Variants in INPP4B observed in about 807,000 individuals in gnomAD.
INPP4B encodes inositol polyphosphate-4-phosphatase type II B, also known as inositol polyphosphate 4-phosphatase type II.
In INPP4B, 55 loss-of-function variants were observed where a neutral mutation model predicts 122.5. The ratio of observed to expected loss-of-function variants is 0.45; its 90% confidence interval spans 0.36 to 0.56. The LOEUF is 0.56. INPP4B is among the 20% of genes least tolerant of loss of function. The probability of loss-of-function intolerance (pLI) is 0.00; values close to 1 mark genes in which losing one functional copy is unlikely to be tolerated. For missense variants in INPP4B, 1,000 were observed against 1,097.7 expected (o/e 0.91, Z 1.26); for synonymous variants, 403 against 388.7 (o/e 1.04, Z -0.43).
In INPP4B at chr4:142,177,355, T is replaced by C. The variant is rs575670632; in HGVS notation, c.1182-3546A>G. On this transcript the variant is annotated intron_variant, in intron 15 of 25. Transcript: ENST00000262992. Reference sequence around the variant, plus strand: ...TACTTTTCAAACATGTCATATATTTTAACAGTTATAGCTTCTTAAATGGGA... The same window carrying C: ...TACTTTTCAAACATGTCATATATTTCAACAGTTATAGCTTCTTAAATGGGA... 2.0e-5 allele frequency among the ~76,000 whole-genome samples: 3 copies of C among 152,342 alleles called. No homozygotes were observed. The East Asian group carries it at 5.8e-4, about 29-fold the overall frequency.
chr4:142,387,479 T>TA (rs199580064), intron 7 of INPP4B, among the ~76,000 whole-genome samples: 272 of 123,692 alleles, frequency 2.2e-3, no homozygotes, highest in Admixed American at 4.5e-3. Context: ...GAAGTGCATT[T>TA]AAAAAAAAAA....
At chr4:142,595,467 A>T (rs557116502) in intron 2 of INPP4B, among the ~76,000 whole-genome samples, 1 of 152,348 alleles carries the variant, frequency 6.6e-6, no homozygotes, top group South Asian at 2.1e-4. Flanking sequence ...AGTCAAAATT[A>T]TTTTTATCAT....
intron 7 of INPP4B, among the ~76,000 whole-genome samples, chr4:142,322,074 G>A (rs113595119): frequency 0.016 from 2,401 of 152,190 alleles, 63 homozygotes; most frequent in African/African-American, 0.053. Context: ...GGTATATTTC[G>A]TTGATACGCA....
chr4:142,051,542 T>A (rs1754608976), intron 25 of INPP4B, among the ~76,000 whole-genome samples: 1 of 152,034 alleles, frequency 6.6e-6, no homozygotes, highest in African/African-American at 2.4e-5. Flanking sequence ...TTTTATTCAC[T>A]TTACTGTAAA....
At chr4:142,536,575 G>T (rs1033664353) in intron 2 of INPP4B, among the ~76,000 whole-genome samples, 2 of 152,084 alleles carry the variant, frequency 1.3e-5, no homozygotes, top group African/African-American at 4.8e-5. Context: ...ACGTAGAGTG[G>T]TGTGCCCTGG....
chr4:142,311,058 A>T (rs1765333512), intron 8 of INPP4B, among the ~76,000 whole-genome samples: 1 of 152,148 alleles, frequency 6.6e-6, no homozygotes, highest in South Asian at 2.1e-4. Context: ...CTTTAAAAAA[A>T]ATTAGAGTAC....
At chr4:142,291,337 G>A (rs928265329) in intron 9 of INPP4B, among the ~76,000 whole-genome samples, 18 of 152,112 alleles carry the variant, frequency 1.2e-4, no homozygotes, top group Non-Finnish European at 2.6e-4. Flanking sequence ...AAGAAAGATC[G>A]ACTTTCTGAA....
At chr4:142,047,668 G>A (rs1315210643) in intron 25 of INPP4B, among the ~76,000 whole-genome samples, 1 of 152,032 alleles carries the variant, frequency 6.6e-6, no homozygotes, top group African/African-American at 2.4e-5. Flanking sequence ...TCCCCCATCT[G>A]TAACAGAGAG....
upstream of INPP4B, chr4:142,846,383 G>T (rs1268975692): frequency 2.0e-5 from 3 of 152,410 alleles, no homozygotes; most frequent in Non-Finnish European, 4.4e-5. This position sits in a 1 kb window ranked among gnomAD's most constrained non-coding sequence, Gnocchi z 5.1. Context: ...ACTAGCAGGC[G>T]GCGGCGACGG....
At chr4:142,482,132 C>T (rs1417318221) in intron 2 of INPP4B, among the ~76,000 whole-genome samples, 1 of 152,100 alleles carries the variant, frequency 6.6e-6, no homozygotes, top group Non-Finnish European at 1.5e-5. Context: ...GAGAACATGG[C>T]TGGGGGTGGG....
chr4:142,540,756 TGA>T (rs200956824), intron 2 of INPP4B, among the ~76,000 whole-genome samples: 204 of 152,062 alleles, frequency 1.3e-3, no homozygotes, highest in African/African-American at 4.8e-3. Flanking sequence ...TATGTGTGTG[TGA>T]GAGAGAGAGA....
intron 9 of INPP4B, among the ~76,000 whole-genome samples, chr4:142,286,118 A>G (rs1262065925): frequency 6.6e-6 from 1 of 152,206 alleles, no homozygotes; most frequent in Non-Finnish European, 1.5e-5. Flanking sequence ...CAAAATACTC[A>G]GCTACGTGGA....
chr4:142,356,080 A>G (rs1251748005), intron 7 of INPP4B, among the ~76,000 whole-genome samples: 1 of 151,598 alleles, frequency 6.6e-6, no homozygotes, highest in Non-Finnish European at 1.5e-5. Context: ...GGATGACACA[A>G]TTGGTTTACA....
intron 18 of INPP4B, among the ~76,000 whole-genome samples, chr4:142,138,492 T>A (rs978498439): frequency 2.0e-4 from 30 of 151,898 alleles, no homozygotes; most frequent in Non-Finnish European, 3.7e-4. Context: ...CATATGTAAC[T>A]AACCTCCACG....
chr4:142,751,607 T>C (rs1769728634), intron 1 of INPP4B, among the ~76,000 whole-genome samples: 1 of 152,086 alleles, frequency 6.6e-6, no homozygotes, highest in Non-Finnish European at 1.5e-5. Flanking sequence ...CACATGATTC[T>C]GTGATTCTAT....
chr4:142,797,303 G>A (rs1455095020), intron 1 of INPP4B, among the ~76,000 whole-genome samples: 5 of 151,996 alleles, frequency 3.3e-5, no homozygotes, highest in East Asian at 1.9e-4. Flanking sequence ...TTAGACTTAC[G>A]TTCTACTGCC....
intron 7 of INPP4B, among the ~76,000 whole-genome samples, chr4:142,396,206 A>G (rs1340991318): frequency 6.6e-6 from 1 of 152,176 alleles, no homozygotes; most frequent in Admixed American, 6.5e-5. Flanking sequence ...ACCCTCTAAC[A>G]CTTATATACA....
intron 15 of INPP4B, 49 bp downstream of exon 15, chr4:142,193,037 AG>A (rs1836679470): frequency 9.1e-7 from 1 of 1,094,342 alleles, no homozygotes; most frequent in Non-Finnish European, 1.4e-6. Flanking sequence ...ACTTCCCCAA[AG>A]GGGAGATGTT....
intron 12 of INPP4B, among the ~76,000 whole-genome samples, chr4:142,232,721 T>C (rs573449614): frequency 6.6e-6 from 1 of 152,228 alleles, no homozygotes; most frequent in South Asian, 2.1e-4. Context: ...GGCTGAAAGT[T>C]AGGCCTCTTG....
Sources: allele counts gnomAD v4.1 joint callset (sites outside exome capture counted in the v4.1 genomes callset), GRCh38; gene constraint gnomAD v4.1.1; non-coding constraint Gnocchi (gnomAD v3.1); transcripts MANE v1.5; gene names NCBI Gene and HGNC (gene_info 2026-07-23, HGNC 2026-07-21).